The following ELL variants were observed in gnomAD, a reference collection of about 807,000 sequenced individuals.
ELL encodes elongation factor for RNA polymerase II.
Under a neutral mutation model 64.0 loss-of-function variants are expected in ELL, and 18 were observed. The observed-to-expected ratio is 0.28, with a 90% CI of 0.19 to 0.42. The LOEUF (loss-of-function observed/expected upper bound fraction) is 0.42, where lower values mean the gene tolerates loss of function less well. Among genes scored for constraint, ELL ranks in the 10% least tolerant of loss-of-function variants. The pLI is 1.00. For synonymous variants in ELL, 399 were observed against 376.2 expected (o/e 1.06, Z -0.70); for missense variants, 797 against 870.4 (o/e 0.92, Z 1.06).
chr19:18,495,038 G>T (rs548610240), intron 1 of ELL, among the ~76,000 whole-genome samples: 1 of 152,312 alleles, frequency 6.6e-6, no homozygotes, highest in African/African-American at 2.4e-5. Context: ...AACATGTTAG[G>T]CCCTGGGAAC....
Position 18,451,619 on chromosome 19 carries a change from C to A in ELL, c.899G>T (p.Ser300Ile). ...GGAGGCAGCAGGGTCTCCAAGGAGG[C>A]TGCCAGTGCTCTGTGGCTGGCACAG... ...RKLCQPQSTG[S>I]LLGDPAASSP... The change falls in exon 7 of 12, where the codon AGC (serine) becomes ATC (isoleucine). Residue 300 changes from serine to isoleucine, a missense_variant. By Grantham distance (142) the Ser-to-Ile change is moderately radical. Transcript: ENST00000262809. 7.3e-6 allele frequency: 11 copies of A among 1,505,682 alleles called. No homozygotes were observed. Among genetic ancestry groups the A allele is most frequent in the Non-Finnish European group, 9.7e-6 (11 of 1,132,834 alleles). 93.3% of individuals were successfully genotyped at this position (1,505,682 alleles called of 1,614,324 possible).
intron 1 of ELL, among the ~76,000 whole-genome samples, chr19:18,473,450 AGGTGC>A (rs1002366159): frequency 6.6e-6 from 1 of 152,230 alleles, no homozygotes; most frequent in African/African-American, 2.4e-5. Flanking sequence ...CTATCAGAGC[AGGTGC>A]GGTGGGGCCA....
At chr19:18,496,958 T>G (rs1459011663) in intron 1 of ELL, among the ~76,000 whole-genome samples, 1 of 152,232 alleles carries the variant, frequency 6.6e-6, no homozygotes, top group Non-Finnish European at 1.5e-5. Flanking sequence ...CCGGTGGACA[T>G]GCAAAATGGT....
intron 10 of ELL, 159 bp from the exon 11 acceptor site, chr19:18,445,427 C>T (rs1185053982): frequency 5.4e-6 from 4 of 734,340 alleles, no homozygotes; most frequent in Non-Finnish European, 4.7e-6. Context: ...GCGGCTGTAG[C>T]TCCGGAGTGG....
rs954880883 is a variant in ELL at position 18,450,803 on chromosome 19, G to A, written c.1139C>T (p.Ser380Phe). 4 of 1,584,158 alleles carry A rather than the reference G, an allele frequency of 2.5e-6. No individual in the cohort carries two copies. In the African/African-American group the frequency reaches 5.4e-5, roughly 21 times the overall value. The change falls in exon 8 of 12, where the codon TCC becomes TTC. Residue 380 changes from serine (S) to phenylalanine (F), a missense_variant. Transcript: ENST00000262809. ...GPPASTDTLS[S>F]STHLPPRLEP... ...CAGCCGCGGGGGCAGGTGAGTGCTG[G>A]AGCTGAGGGTGTCCGTGCTGGCTGG...
chr19:18,444,937 A>C, intron 11 of ELL, 69 bp from the exon 12 acceptor site: 1 of 1,513,796 alleles, frequency 6.6e-7, no homozygotes, highest in African/African-American at 1.4e-5. Context: ...TAAGCAGGCC[A>C]GTGTCCCCCC....
intron 5 of ELL, among the ~76,000 whole-genome samples, chr19:18,458,956 A>G (rs1259104822): frequency 1.3e-5 from 2 of 151,428 alleles, no homozygotes; most frequent in Non-Finnish European, 2.9e-5. Context: ...TGGTGTGATC[A>G]AGGTTCACTG....
At chr19:18,516,260 G>A (rs1292607210) in intron 1 of ELL, among the ~76,000 whole-genome samples, 2 of 152,120 alleles carry the variant, frequency 1.3e-5, no homozygotes, top group African/African-American at 4.8e-5. Flanking sequence ...GAAGAGCTGA[G>A]TACTGGCCAC....
At chr19:18,510,119 G>A (rs1052465593) in intron 1 of ELL, among the ~76,000 whole-genome samples, 18 of 152,212 alleles carry the variant, frequency 1.2e-4, no homozygotes, top group Admixed American at 8.5e-4. Flanking sequence ...TGTAATCCCA[G>A]CACTTTGGGA....
rs1568399647 is a variant in ELL, at chr19:18,509,588, C to CGT, written c.135+12332_135+12333insAC. Among the ~76,000 whole-genome samples the CGT allele has an allele frequency of 7.6e-3, 900 of 118,820 alleles. 47 individuals carry two copies. Among genetic ancestry groups the CGT allele is most frequent in the African/African-American group, 0.033 (856 of 26,082 alleles). 78.0% of individuals were successfully genotyped at this position (118,820 alleles called of 152,430 possible). On this transcript the variant is annotated intron_variant, in intron 1 of 11. Coordinates refer to ENST00000262809, the MANE Select transcript of ELL (RefSeq NM_006532.4). ...AGACACAGGCCAATGCACGTGCGCGCGCGCGCACATACACACACACACACA... is the reference window on the plus strand; with the variant it reads ...AGACACAGGCCAATGCACGTGCGCGCGTGCGCGCACATACACACACACACACA...
intron 4 of ELL, 97 bp from the exon 5 acceptor site, chr19:18,461,949 C>T: frequency 6.8e-7 from 1 of 1,471,846 alleles, no homozygotes; most frequent in East Asian, 2.3e-5. Context: ...AGACTATAGA[C>T]AGTGCTGGTG....
rs1976289414 is a variant in ELL, at chr19:18,521,903, G to A, written c.135+18C>T. The A allele has an allele frequency of 2.6e-6, 4 of 1,567,714 alleles. No homozygotes were observed. Among genetic ancestry groups the A allele is most frequent in the Non-Finnish European group, 3.5e-6 (4 of 1,157,074 alleles). ...TCCGGACGTTCCCCACTGGCGCGCCGGGCGCCATGCCACTCACCTGTCTGG... is the reference window on the plus strand; with the variant it reads ...TCCGGACGTTCCCCACTGGCGCGCCAGGCGCCATGCCACTCACCTGTCTGG... On this transcript the variant is annotated intron_variant, in intron 1 of 11. Transcript: ENST00000262809.
At chr19:18,499,458 T>C (rs1385630143) in intron 1 of ELL, among the ~76,000 whole-genome samples, 2 of 152,170 alleles carry the variant, frequency 1.3e-5, no homozygotes, top group South Asian at 2.1e-4. Context: ...AGCTTCTAAA[T>C]GCTGGAAATA....
intron 1 of ELL, among the ~76,000 whole-genome samples, chr19:18,499,427 G>A (rs1975734122): frequency 6.6e-6 from 1 of 152,194 alleles, no homozygotes; most frequent in Non-Finnish European, 1.5e-5. Context: ...ACATACCCGT[G>A]ACCTCCAGCA....
intron 6 of ELL, among the ~76,000 whole-genome samples, chr19:18,456,671 G>A (rs904717843): frequency 1.3e-5 from 2 of 152,276 alleles, no homozygotes; most frequent in South Asian, 4.1e-4. Flanking sequence ...GTGATGAGAG[G>A]AGATTTGGAT....
In ELL at chr19:18,470,876, C is replaced by T. The variant is rs1461863566; in HGVS notation, c.183+1959G>A. The T allele has an allele frequency of 1.8e-5, 8 of 448,560 alleles. No individual in the cohort carries two copies. The Middle Eastern group carries it at 1.3e-3, about 74-fold the overall frequency. The allele number at this position is 448,560 out of a possible 1,614,324, so 27.8% of individuals were successfully genotyped here. A position where few individuals can be genotyped will look rare whatever the true frequency, so the allele number is the denominator to read the frequency against. On this transcript the variant is annotated intron_variant, in intron 2 of 11. Transcript: ENST00000262809. ...TGAGGGTTACAGACTCCCCAGCCCA[C>T]AGTCGTCTGAGCCCACTGCTTGCAA...
rs753465625 is a variant in ELL, at chr19:18,521,911, T to G, written c.135+10A>C. On this transcript the variant is annotated intron_variant, in intron 1 of 11. Transcript: ENST00000262809. ...TTCCCCACTGGCGCGCCGGGCGCCA[T>G]GCCACTCACCTGTCTGGCGCGGTAG... 2 of 1,579,408 alleles carry G rather than the reference T, an allele frequency of 1.3e-6. No homozygotes were observed. Among genetic ancestry groups the G allele is most frequent in the Non-Finnish European group, 1.7e-6 (2 of 1,163,130 alleles).
In ELL at chr19:18,458,192, G is replaced by C; in HGVS notation, c.869+13C>G. 1 of 1,606,934 alleles carries C rather than the reference G, an allele frequency of 6.2e-7. No homozygotes were observed. Among genetic ancestry groups the C allele is most frequent in the Non-Finnish European group, 8.5e-7 (1 of 1,179,728 alleles). On this transcript the variant is annotated intron_variant, in intron 6 of 11. Transcript: ENST00000262809. The stretch of plus-strand genomic sequence containing the variant: ...CGGGTGGGGACATGCTGGGGGATGG[G>C]AGGCGGCATTACCGGACGAGCACCC...
intron 1 of ELL, among the ~76,000 whole-genome samples, chr19:18,484,740 G>A (rs1975376416): frequency 6.6e-6 from 1 of 152,196 alleles, no homozygotes; most frequent in Non-Finnish European, 1.5e-5. Flanking sequence ...CAAGAGGAGT[G>A]CAAGAGTTTG....
Sources: gnomAD v4.1 joint callset for allele counts (sites outside exome capture counted in the v4.1 genomes callset) on GRCh38, gnomAD v4.1.1 for gene constraint, MANE v1.5 for transcripts, NCBI Gene and HGNC (gene_info 2026-07-23, HGNC 2026-07-21) for gene names.